EYS: variants seen among roughly 807,000 people sequenced by gnomAD.
The protein encoded by EYS is EGF-like photoreceptor maintenance factor.
EYS carries 250 observed loss-of-function variants against 282.1 expected under a neutral mutation model. The ratio of observed to expected loss-of-function variants is 0.89; its 90% CI spans 0.80 to 0.98. The LOEUF is 0.98. Ranked by LOEUF, EYS falls within the 50% of genes least tolerant of loss-of-function variation. The pLI is 0.00. For synonymous variants in EYS, 1,355 were observed against 1,282.9 expected (o/e 1.06, Z -1.20); for missense variants, 4,016 against 3,709.0 (o/e 1.08, Z -2.15).
At chr6:64,529,184 C>A (rs1440427444) in intron 26 of EYS, among the ~76,000 whole-genome samples, 1 of 152,060 alleles carries the variant, frequency 6.6e-6, no homozygotes. Context: ...CCATGCCTAA[C>A]TCTTTGTGTC....
chr6:63,727,083 C>T (rs1729294824), intron 41 of EYS, among the ~76,000 whole-genome samples: 2 of 152,106 alleles, frequency 1.3e-5, no homozygotes, highest in African/African-American at 4.8e-5. Flanking sequence ...AGTTATTCTT[C>T]AGCCTCTATA....
At chr6:65,133,483 C>G (rs1365303522) in intron 12 of EYS, among the ~76,000 whole-genome samples, 1 of 151,974 alleles carries the variant, frequency 6.6e-6, no homozygotes, top group African/African-American at 2.4e-5. Context: ...TGAACACCTA[C>G]AACCACCTGA....
chr6:63,820,013 T>C (rs539802791), intron 36 of EYS, among the ~76,000 whole-genome samples: 122 of 152,342 alleles, frequency 8.0e-4, no homozygotes, highest in African/African-American at 2.9e-3. Flanking sequence ...AAAGTCCACA[T>C]TGAGGCCTTG....
At chr6:65,437,225 A>G (rs1299862927) in intron 5 of EYS, among the ~76,000 whole-genome samples, 1 of 152,182 alleles carries the variant, frequency 6.6e-6, no homozygotes, top group Non-Finnish European at 1.5e-5. Flanking sequence ...TAATAAAGCA[A>G]TATCCTAACA....
At chr6:65,124,258 C>A (rs913940313) in intron 12 of EYS, among the ~76,000 whole-genome samples, 3 of 152,000 alleles carry the variant, frequency 2.0e-5, no homozygotes, top group African/African-American at 7.2e-5. Flanking sequence ...CACATGGATA[C>A]AAATAAGAAT....
chr6:63,959,234 A>G (rs191682126), intron 35 of EYS, among the ~76,000 whole-genome samples: 1 of 152,340 alleles, frequency 6.6e-6, no homozygotes, highest in African/African-American at 2.4e-5. Context: ...AAAAGAAGAC[A>G]TCTACGCAGC....
intron 26 of EYS, among the ~76,000 whole-genome samples, chr6:64,560,851 G>A (rs959166579): frequency 2.6e-5 from 4 of 152,078 alleles, no homozygotes; most frequent in Non-Finnish European, 5.9e-5. Flanking sequence ...AGTCTGAGAC[G>A]TATAAGAAAT....
At chr6:65,123,984 AG>A in intron 12 of EYS, among the ~76,000 whole-genome samples, 1 of 145,582 alleles carries the variant, frequency 6.9e-6, no homozygotes, top group East Asian at 2.0e-4. Context: ...GTTCAAGATC[AG>A]CCTGGGCATC....
chr6:63,868,512 C>T (rs1401354609), intron 35 of EYS, among the ~76,000 whole-genome samples: 1 of 152,062 alleles, frequency 6.6e-6, no homozygotes, highest in Non-Finnish European at 1.5e-5. Context: ...TCAAAGTTGG[C>T]CACCCACAGT....
chr6:65,615,769 C>A (rs572813554), intron 2 of EYS, among the ~76,000 whole-genome samples: 1 of 151,800 alleles, frequency 6.6e-6, no homozygotes, highest in Non-Finnish European at 1.5e-5. Context: ...CCTGTCTCTA[C>A]TAAAAATACA....
intron 30 of EYS, among the ~76,000 whole-genome samples, chr6:64,273,758 C>G (rs1161212679): frequency 6.6e-6 from 1 of 152,156 alleles, no homozygotes; most frequent in African/African-American, 2.4e-5. Context: ...GGAAACTCTA[C>G]TTGCATGCTT....
At chr6:64,989,771 A>C (rs565319078) in intron 14 of EYS, among the ~76,000 whole-genome samples, 20 of 140,344 alleles carry the variant, frequency 1.4e-4, no homozygotes, top group South Asian at 1.1e-3. Context: ...TATAAATATA[A>C]AAATATATAA....
chr6:65,013,531 T>C (rs1771947230), intron 13 of EYS, among the ~76,000 whole-genome samples: 1 of 152,140 alleles, frequency 6.6e-6, no homozygotes, highest in Non-Finnish European at 1.5e-5. Context: ...CCAATATGGT[T>C]TCCAAGATCC....
At chr6:64,643,896 G>T (rs1471494271) in intron 22 of EYS, among the ~76,000 whole-genome samples, 1 of 152,130 alleles carries the variant, frequency 6.6e-6, no homozygotes, top group Non-Finnish European at 1.5e-5. Flanking sequence ...TTTGTAAATT[G>T]CTCAGTCTTG....
At chr6:63,777,671 GA>G (rs1173340805) in intron 40 of EYS, 4 of 192,300 alleles carry the variant, frequency 2.1e-5, no homozygotes, top group Non-Finnish European at 4.3e-5. Flanking sequence ...ACCTACATAT[GA>G]AAGCAAATCC....
chr6:65,695,861 A>G (rs1769434844), intron 1 of EYS, among the ~76,000 whole-genome samples: 1 of 152,014 alleles, frequency 6.6e-6, no homozygotes, highest in Non-Finnish European at 1.5e-5. Context: ...TCCTGTGAAT[A>G]TTCAAACACA....
chr6:65,123,929 C>T (rs1049476509), intron 12 of EYS, among the ~76,000 whole-genome samples: 1 of 152,054 alleles, frequency 6.6e-6, no homozygotes, highest in Non-Finnish European at 1.5e-5. Context: ...CCTGTAATCC[C>T]AGCACTTTGG....
At chr6:64,401,511 T>C (rs1251317491) in intron 28 of EYS, among the ~76,000 whole-genome samples, 1 of 152,068 alleles carries the variant, frequency 6.6e-6, no homozygotes, top group Non-Finnish European at 1.5e-5. Flanking sequence ...ACTTAGATTT[T>C]TGATGAAGAC....
At chr6:64,073,968 GAGA>G (rs1304803932) in intron 32 of EYS, among the ~76,000 whole-genome samples, 3 of 151,788 alleles carry the variant, frequency 2.0e-5, no homozygotes. Context: ...TGATCCATTA[GAGA>G]AGTATGAACC....
Sources: allele counts gnomAD v4.1 joint callset (sites outside exome capture counted in the v4.1 genomes callset), GRCh38; gene constraint gnomAD v4.1.1; transcripts MANE v1.5; gene names NCBI Gene and HGNC (gene_info 2026-07-23, HGNC 2026-07-21).